Variants in MYO10 observed in about 807,000 individuals in gnomAD.
The protein encoded by MYO10 is unconventional myosin-X.
In MYO10, 133 loss-of-function variants were observed where a neutral mutation model predicts 257.3. The ratio of observed to expected loss-of-function variants is 0.52; its 90% CI spans 0.45 to 0.60. The LOEUF (loss-of-function observed/expected upper bound fraction) is 0.60, where lower values mean the gene tolerates loss of function less well. MYO10 is among the 20% of genes least tolerant of loss of function. MYO10 has a pLI of 0.00. For missense variants in MYO10, 2,399 were observed against 2,635.7 expected (o/e 0.91, Z 1.97); for synonymous variants, 1,104 against 1,028.6 (o/e 1.07, Z -1.40).
intron 2 of MYO10, among the ~76,000 whole-genome samples, chr5:16,864,684 G>A (rs1234434756): frequency 6.6e-6 from 1 of 152,162 alleles, no homozygotes; most frequent in Admixed American, 6.5e-5. Context: ...TGTTTAGCCT[G>A]GAGCTAAGTG....
intron 1 of MYO10, among the ~76,000 whole-genome samples, chr5:16,930,842 G>C (rs1440258232): frequency 6.6e-6 from 1 of 152,202 alleles, no homozygotes; most frequent in Non-Finnish European, 1.5e-5. Context: ...ACTCAGCCTG[G>C]GGGCAGTTAG....
Position 16,808,074 on chromosome 5 carries a change from C to A in MYO10, c.279+9935G>T, listed in dbSNP as rs542538433. 3.9e-5 allele frequency among the ~76,000 whole-genome samples: 6 copies of A among 152,330 alleles called. No homozygotes were observed. The East Asian group carries it at 1.2e-3, about 29-fold the overall frequency. ...GAGGACACATGATTTCACCACCAAT[C>A]CACCAAATAAATTCATGTTTTAACT... On this transcript the variant is annotated intron_variant, in intron 3 of 40. Transcript: ENST00000513610.
At chr5:16,743,887 A>G (rs1050047904) in intron 19 of MYO10, among the ~76,000 whole-genome samples, 1 of 152,246 alleles carries the variant, frequency 6.6e-6, no homozygotes, top group Admixed American at 6.5e-5. Flanking sequence ...CTGCTTTATT[A>G]TAACAAATGT....
In MYO10 at chr5:16,685,728, G is replaced by A. The variant is rs1452003218; in HGVS notation, c.3990+10C>T. ...ACGCCCCACCCCCATCCCACACAGT[G>A]CTCCCGTACCACAGCATTCTGTGGG... On this transcript the variant is annotated intron_variant, in intron 29 of 40. Transcript: ENST00000513610. The A allele has an allele frequency of 1.2e-5, 17 of 1,465,688 alleles. No homozygotes were observed. The highest frequency in any genetic ancestry group is 1.5e-5 in the Non-Finnish European group (16 of 1,082,152). 90.8% of individuals were successfully genotyped at this position (1,465,688 alleles called of 1,614,324 possible).
chr5:16,672,657 C>T, intron 37 of MYO10, 32 bp downstream of exon 37: 2 of 1,612,454 alleles, frequency 1.2e-6, no homozygotes, highest in South Asian at 1.1e-5. Context: ...CTCTTATTTG[C>T]TCTTCTGACA....
intron 2 of MYO10, among the ~76,000 whole-genome samples, chr5:16,830,689 A>ACACACACACT (rs1272846347): frequency 5.9e-5 from 9 of 152,072 alleles, no homozygotes; most frequent in Non-Finnish European, 1.0e-4. Context: ...GCACACACAC[A>ACACACACACT]CACACACACA....
At chr5:16,723,466 A>AT (rs1216342989) in intron 19 of MYO10, among the ~76,000 whole-genome samples, 5 of 152,214 alleles carry the variant, frequency 3.3e-5, no homozygotes, top group Non-Finnish European at 7.3e-5. Context: ...CAGAAAATTG[A>AT]CAATATCAAA....
intron 2 of MYO10, among the ~76,000 whole-genome samples, chr5:16,844,065 C>T (rs543252714): frequency 6.6e-6 from 1 of 152,328 alleles, no homozygotes; most frequent in South Asian, 2.1e-4. Flanking sequence ...GAATCAGCTG[C>T]TGACTAGCAA....
At chr5:16,819,779 A>T (rs1473066449) in intron 2 of MYO10, among the ~76,000 whole-genome samples, 1 of 152,184 alleles carries the variant, frequency 6.6e-6, no homozygotes, top group Non-Finnish European at 1.5e-5. Flanking sequence ...AAAAGTACCA[A>T]TCCAATGGTT....
intron 9 of MYO10, 55 bp downstream of exon 9, chr5:16,779,490 A>T: frequency 9.7e-7 from 1 of 1,035,460 alleles, no homozygotes; most frequent in Non-Finnish European, 1.4e-6. Context: ...GAAATCTGTT[A>T]CTCTTAATAA....
At chr5:16,718,071 G>C (rs1039708812) in intron 19 of MYO10, among the ~76,000 whole-genome samples, 3 of 152,226 alleles carry the variant, frequency 2.0e-5, no homozygotes, top group Non-Finnish European at 4.4e-5. Flanking sequence ...TGCTGGCCCC[G>C]GGCAATGGGG....
chr5:16,778,487 C>T (rs1741291024), intron 9 of MYO10, among the ~76,000 whole-genome samples: 1 of 151,974 alleles, frequency 6.6e-6, no homozygotes. Flanking sequence ...GCTTTTGGGT[C>T]GATGAGGGAA....
At chr5:16,913,275 A>G (rs1333945407) in intron 1 of MYO10, among the ~76,000 whole-genome samples, 1 of 152,234 alleles carries the variant, frequency 6.6e-6, no homozygotes, top group Non-Finnish European at 1.5e-5. Flanking sequence ...GGTCATTTTA[A>G]AAAATCAAAT....
At position 16,675,033 on chromosome 5, in the gene MYO10, G is replaced by A; in HGVS notation, c.4784C>T (p.Thr1595Ile). 1 of 1,613,982 alleles carries A rather than the reference G, an allele frequency of 6.2e-7. No individual in the cohort carries two copies. The highest frequency in any genetic ancestry group is 8.5e-7 in the Non-Finnish European group (1 of 1,179,902). ...CCGCAGAGGTCGCAGGTCATGCCCT[G>A]TCTGTAGGATGCCCTGGATTATTGG... is the stretch of plus-strand genomic sequence containing the variant. ...PIPIIQGILQ[T>I]GHDLRPLRDE... Residue 1595 changes from threonine to isoleucine, a missense_variant, in exon 35 of 41, where the codon ACA becomes ATA. By Grantham distance (89) the Thr-to-Ile change is moderately conservative (BLOSUM62 -1). Coordinates refer to ENST00000513610, the MANE Select transcript of MYO10 (RefSeq NM_012334.3).
At chr5:16,887,209 G>T (rs1451844295) in intron 1 of MYO10, among the ~76,000 whole-genome samples, 1 of 152,142 alleles carries the variant, frequency 6.6e-6, no homozygotes, top group East Asian at 1.9e-4. Context: ...ACTAGGAATA[G>T]CAGCTTTCAT....
chr5:16,713,336 C>A, intron 19 of MYO10: 1 of 985,878 alleles, frequency 1.0e-6, no homozygotes, highest in Non-Finnish European at 1.2e-6. Flanking sequence ...TCACCATCTT[C>A]CTGTCTCTCC....
chr5:16,856,795 T>G (rs1418339631), intron 2 of MYO10, among the ~76,000 whole-genome samples: 1 of 152,052 alleles, frequency 6.6e-6, no homozygotes, highest in Non-Finnish European at 1.5e-5. Context: ...GAGTGAGTGG[T>G]TCTTAAAAGT....
At chr5:16,720,456 TTTTAA>T (rs1390462765) in intron 19 of MYO10, among the ~76,000 whole-genome samples, 6 of 152,032 alleles carry the variant, frequency 3.9e-5, no homozygotes, top group African/African-American at 1.2e-4. Flanking sequence ...TTTTATTTTA[TTTTAA>T]TTTAATTTTT....
intron 1 of MYO10, among the ~76,000 whole-genome samples, chr5:16,930,811 T>A (rs1334486634): frequency 6.6e-6 from 1 of 152,196 alleles, no homozygotes; most frequent in Non-Finnish European, 1.5e-5. Context: ...CAAGCGCTAC[T>A]GCTAAGATAG....
Sources: gnomAD v4.1 joint callset for allele counts (sites outside exome capture counted in the v4.1 genomes callset) on GRCh38, gnomAD v4.1.1 for gene constraint, MANE v1.5 for transcripts, NCBI Gene and HGNC (gene_info 2026-07-23, HGNC 2026-07-21) for gene names.